The following APC variants were observed in gnomAD, a reference collection of about 807,000 sequenced individuals.
APC encodes the protein adenomatous polyposis coli protein.
In APC, 72 loss-of-function variants were observed where a neutral mutation model predicts 247.0. That is an observed-to-expected ratio of 0.29 (90% CI 0.24 to 0.35). The LOEUF is 0.35. APC is among the 10% of genes least tolerant of loss of function. The pLI, the probability that APC is intolerant of heterozygous loss-of-function variation, is 1.00. For synonymous variants in APC, 1,254 were observed against 1,162.5 expected, an observed-to-expected ratio of 1.08 and a Z score of -1.60; for missense variants, 3,400 against 3,360.7, an observed-to-expected ratio of 1.01 and a Z score of -0.29.
Position 112,793,057 on chromosome 5 carries a change from A to T in APC, c.729+528A>T, listed in dbSNP as rs376775973. On this transcript the variant is annotated intron_variant, in intron 7 of 15. Transcript: ENST00000257430. The stretch of plus-strand genomic sequence containing the variant: ...AATAGGAATGAAAAGTCATGAAGCA[A>T]CTAGATACCTCTGGGTGTGAGAGTA... Among the ~76,000 whole-genome samples the T allele has an allele frequency of 3.2e-4, 49 of 152,212 alleles. 1 individual carries two copies. The highest frequency in any genetic ancestry group is 1.2e-3 in the African/African-American group (48 of 41,542).
intron 8 of APC, among the ~76,000 whole-genome samples, chr5:112,812,250 C>T (rs78610234): frequency 3.3e-5 from 5 of 152,272 alleles, no homozygotes; most frequent in African/African-American, 1.2e-4. Flanking sequence ...TTAGAGGCTA[C>T]CTACAAACAG....
At chr5:112,818,195 A>G (rs1038735977) in intron 9 of APC, among the ~76,000 whole-genome samples, 1 of 152,224 alleles carries the variant, frequency 6.6e-6, no homozygotes, top group Non-Finnish European at 1.5e-5. Context: ...TGCATTCTTT[A>G]TATAATAGCC....
rs1580619903 is a variant in APC, at chr5:112,837,852, A to G, written c.2258A>G (p.His753Arg). Residue 753 changes from histidine (H) to arginine (R), a missense_variant, in exon 16 of 16, where the codon CAT becomes CGT. By Grantham distance (29) the His-to-Arg change is conservative. Transcript: ENST00000257430. Reference protein sequence around the residue: ...MSPGSSLPSLHVRKQKALEAE... With the variant: ...MSPGSSLPSLRVRKQKALEAE... ...CCTGGCTCAAGCTTGCCATCTCTTC[A>G]TGTTAGGAAACAAAAAGCCCTAGAA... 6.2e-7 allele frequency: 1 copy of G among 1,614,064 alleles called. No homozygotes were observed. The highest frequency in any genetic ancestry group is 2.2e-5 in the East Asian group (1 of 44,866).
intron 7 of APC, among the ~76,000 whole-genome samples, chr5:112,799,951 G>A (rs567470709): frequency 6.6e-6 from 1 of 152,176 alleles, no homozygotes; most frequent in South Asian, 2.1e-4. Flanking sequence ...CACTTCCCAA[G>A]AGAGCTCTTC....
intron 10 of APC, among the ~76,000 whole-genome samples, chr5:112,821,504 G>GT (rs149267955): frequency 0.038 from 5,574 of 145,388 alleles, 305 homozygotes; most frequent in African/African-American, 0.12. Flanking sequence ...ACCCTGTTTT[G>GT]TTTTTTTTTT....
chr5:112,794,179 G>C (rs1469127179), intron 7 of APC, among the ~76,000 whole-genome samples: 2 of 152,042 alleles, frequency 1.3e-5, no homozygotes, highest in African/African-American at 4.8e-5. Context: ...TGCAACCTCT[G>C]CTTCCTGGGT....
intron 1 of APC, among the ~76,000 whole-genome samples, chr5:112,753,013 T>G (rs1754550831): frequency 6.6e-6 from 1 of 152,222 alleles, no homozygotes; most frequent in African/African-American, 2.4e-5. Flanking sequence ...TGTGTCTCAG[T>G]AAACTTGTGC....
chr5:112,785,036 C>T (rs142733218), intron 6 of APC, among the ~76,000 whole-genome samples: 57 of 152,176 alleles, frequency 3.7e-4, no homozygotes, highest in Admixed American at 7.2e-4. Flanking sequence ...TGCACTCCAA[C>T]CTGGGTGACC....
intron 1 of APC, among the ~76,000 whole-genome samples, chr5:112,728,757 A>T (rs1221562595): frequency 6.6e-6 from 1 of 151,916 alleles, no homozygotes; most frequent in Non-Finnish European, 1.5e-5. Flanking sequence ...TGGCCATTAC[A>T]TTCAGCTATA....
rs1320484906 is a variant in APC, at chr5:112,842,334, C to A, written c.6740C>A (p.Ser2247Tyr). The change falls in exon 16 of 16, where the codon TCT (serine) becomes TAT (tyrosine). Residue 2247 changes from serine to tyrosine, a missense_variant. By Grantham distance (144) the Ser-to-Tyr change is moderately radical. Around this residue, in one of 9 missense-constraint regions of APC, gnomAD observed 1,788 missense variants for 1,649.5 expected, o/e 1.08. Coordinates refer to ENST00000257430, the MANE Select transcript of APC (RefSeq NM_000038.6). The stretch of plus-strand genomic sequence containing the variant: ...AGCTCCTCAAGTACAAGTCCTGTTT[C>A]TAAAAAAGGCCCACCCCTTAAGACT... ...RNSSSSTSPV[S>Y]KKGPPLKTPA... 2 of 1,613,868 alleles carry A rather than the reference C, an allele frequency of 1.2e-6. No homozygotes were observed. Among genetic ancestry groups the A allele is most frequent in the Admixed American group, 1.7e-5 (1 of 59,982 alleles).
upstream of APC, among the ~76,000 whole-genome samples, chr5:112,735,320 C>T (rs1379671343): frequency 1.3e-5 from 2 of 151,948 alleles, no homozygotes; most frequent in South Asian, 2.1e-4. Flanking sequence ...GGACCACAGG[C>T]GCGTGTCACC....
At chr5:112,773,404 A>G (rs774299201) in intron 4 of APC, among the ~76,000 whole-genome samples, 19 of 152,158 alleles carry the variant, frequency 1.2e-4, no homozygotes, top group African/African-American at 3.4e-4. Flanking sequence ...AATTTTCTAC[A>G]TGGCAAAACG....
rs577306377 is a variant in APC at position 112,756,928 on chromosome 5, G to A, written c.135+1903G>A. On this transcript the variant is annotated intron_variant, in intron 2 of 15. Transcript: ENST00000257430. ...TATACTTCTTGAGCATTCCTAATTC[G>A]AAAATCCAAAATCTGAAATGCTCCA... Among the ~76,000 whole-genome samples, 609 of 152,058 alleles carry A rather than the reference G, an allele frequency of 4.0e-3. 2 individuals carry two copies. Among genetic ancestry groups the A allele is most frequent in the Non-Finnish European group, 6.2e-3 (424 of 67,986 alleles).
intron 4 of APC, among the ~76,000 whole-genome samples, chr5:112,772,399 A>G (rs1757155707): frequency 6.6e-6 from 1 of 152,152 alleles, no homozygotes. Flanking sequence ...GTATTTTACT[A>G]CAGGTTAATC....
At chr5:112,827,289 T>A (rs2149810911) in intron 12 of APC, 42 bp downstream of exon 12, 1 of 1,606,022 alleles carries the variant, frequency 6.2e-7, no homozygotes, top group Non-Finnish European at 8.5e-7. Context: ...AGCTCAGGTA[T>A]GAGTTAATTT....
At chr5:112,822,056 A>G (rs1763203773) in intron 11 of APC, 65 bp downstream of exon 11, 3 of 1,077,684 alleles carry the variant, frequency 2.8e-6, no homozygotes, top group Non-Finnish European at 4.2e-6. Context: ...CATGGTAGAA[A>G]TTCAGTATAG....
At chr5:112,771,953 A>C (rs770346308) in intron 4 of APC, among the ~76,000 whole-genome samples, 3 of 152,220 alleles carry the variant, frequency 2.0e-5, no homozygotes, top group African/African-American at 7.2e-5. Context: ...TAAAGTGATC[A>C]TGAGAATAAC....
At chr5:112,712,190 T>G (rs1750891886) in intron 1 of APC, among the ~76,000 whole-genome samples, 1 of 152,230 alleles carries the variant, frequency 6.6e-6, no homozygotes. Flanking sequence ...CTTTTCACTG[T>G]GTTCTCTTGG....
intron 1 of APC, among the ~76,000 whole-genome samples, chr5:112,731,423 T>A (rs1752093132): frequency 6.6e-6 from 1 of 151,982 alleles, no homozygotes; most frequent in South Asian, 2.1e-4. Context: ...CATCCCAAGG[T>A]GGAAGGAGGA....
Sources: allele counts gnomAD v4.1 joint callset (sites outside exome capture counted in the v4.1 genomes callset), GRCh38; gene constraint gnomAD v4.1.1; regional missense constraint gnomAD v4.1.1; transcripts MANE v1.5; gene names NCBI Gene and HGNC (gene_info 2026-07-23, HGNC 2026-07-21).